PDZRN4: variants seen among roughly 807,000 people sequenced by gnomAD.
PDZRN4 encodes PDZ domain-containing RING finger protein 4.
In PDZRN4, 70 loss-of-function variants were observed where a neutral mutation model predicts 99.0. The observed-to-expected ratio is 0.71, with a 90% confidence interval of 0.58 to 0.86. PDZRN4 has a LOEUF of 0.86. Among genes scored for constraint, PDZRN4 ranks in the 40% least tolerant of loss-of-function variants. The pLI is 0.00. For synonymous variants in PDZRN4, 551 were observed against 501.6 expected (o/e 1.10, Z -1.32); for missense variants, 1,474 against 1,331.2 (o/e 1.11, Z -1.67).
intron 3 of PDZRN4, among the ~76,000 whole-genome samples, chr12:41,273,542 G>C (rs1951330055): frequency 6.6e-6 from 1 of 152,020 alleles, no homozygotes; most frequent in Non-Finnish European, 1.5e-5. Context: ...CCAGAGATGG[G>C]GGAAGTGATA....
chr12:41,296,584 A>G (rs1192457322), intron 3 of PDZRN4, among the ~76,000 whole-genome samples: 1 of 152,144 alleles, frequency 6.6e-6, no homozygotes, highest in Non-Finnish European at 1.5e-5. Context: ...CAATTTTTCA[A>G]GAGTTTTGAT....
intron 3 of PDZRN4, among the ~76,000 whole-genome samples, chr12:41,247,962 C>G (rs1951144026): frequency 9.2e-6 from 1 of 108,818 alleles, no homozygotes; most frequent in African/African-American, 2.9e-5. Context: ...GCTGAAGGCT[C>G]ACAGACGTGA....
Position 41,573,851 on chromosome 12 carries a change from G to A in PDZRN4, c.3072G>A (p.Thr1024=), listed in dbSNP as rs778495848. ...MTHGAKSPDG[T]RVHNAFLSVT... ...ATGGGGCCAAGTCTCCAGATGGCAC[G>A]AGAGTCCATAATGCCTTCTTGTCGG... is the stretch of plus-strand genomic sequence containing the variant. The change falls in exon 10 of 10, where the codon ACG becomes ACA. Residue 1024 remains threonine, a synonymous_variant. Coordinates refer to ENST00000402685, the MANE Select transcript of PDZRN4 (RefSeq NM_001164595.2). The A allele has an allele frequency of 8.8e-6, 14 of 1,593,274 alleles. No homozygotes were observed. Among genetic ancestry groups the A allele is most frequent in the South Asian group, 6.9e-5 (6 of 87,070 alleles).
chr12:41,467,198 G>A (rs1240752993), intron 3 of PDZRN4, among the ~76,000 whole-genome samples: 1 of 152,212 alleles, frequency 6.6e-6, no homozygotes, highest in East Asian at 1.9e-4. Context: ...GACACAGTGA[G>A]AGTTTGGTAG....
At chr12:41,484,170 GA>G (rs772759604) in intron 3 of PDZRN4, among the ~76,000 whole-genome samples, 29 of 152,120 alleles carry the variant, frequency 1.9e-4, no homozygotes, top group Non-Finnish European at 4.1e-4. Flanking sequence ...AAAATTGAGG[GA>G]GGATTTTTCC....
intron 3 of PDZRN4, among the ~76,000 whole-genome samples, chr12:41,236,088 A>G (rs1394568674): frequency 6.6e-6 from 1 of 152,190 alleles, no homozygotes; most frequent in Admixed American, 6.5e-5. Context: ...ATTAAAAGAC[A>G]TTGAAGAGTG....
intron 3 of PDZRN4, among the ~76,000 whole-genome samples, chr12:41,337,601 A>G (rs1396942052): frequency 2.6e-5 from 4 of 152,140 alleles, no homozygotes; most frequent in Non-Finnish European, 5.9e-5. Flanking sequence ...AGCCCAGTGG[A>G]ATTTCATAGA....
intron 3 of PDZRN4, among the ~76,000 whole-genome samples, chr12:41,502,962 C>T (rs1938136890): frequency 6.6e-6 from 1 of 152,038 alleles, no homozygotes; most frequent in African/African-American, 2.4e-5. Flanking sequence ...ATATTCTTCC[C>T]ATATAATTCT....
In PDZRN4 at chr12:41,200,795, T is replaced by C. The variant is rs1950810126; in HGVS notation, c.843+6607T>C. On this transcript the variant is annotated intron_variant, in intron 3 of 9. Coordinates refer to ENST00000402685, the MANE Select transcript of PDZRN4 (RefSeq NM_001164595.2). ...TCATCCTGGGCACCTGGCAACTCCT[T>C]TCTGTCTTTCTTATTCCCCTGCAAC... Among the ~76,000 whole-genome samples, 3 of 152,120 alleles carry C rather than the reference T, an allele frequency of 2.0e-5. No homozygotes were observed. The South Asian group carries it at 6.2e-4, about 32-fold the overall frequency.
chr12:41,375,436 A>C (rs956495117), intron 3 of PDZRN4, among the ~76,000 whole-genome samples: 24 of 152,302 alleles, frequency 1.6e-4, no homozygotes, highest in African/African-American at 4.8e-4. Context: ...ATTATAATTT[A>C]TTAAGAGCTC....
intron 3 of PDZRN4, among the ~76,000 whole-genome samples, chr12:41,222,679 CA>C (rs1252917304): frequency 2.6e-5 from 4 of 152,042 alleles, no homozygotes; most frequent in African/African-American, 9.7e-5. Flanking sequence ...TGCACACCAC[CA>C]TGCCCGGCTA....
intron 3 of PDZRN4, among the ~76,000 whole-genome samples, chr12:41,209,574 C>A (rs1034454737): frequency 3.5e-4 from 52 of 148,728 alleles, no homozygotes; most frequent in African/African-American, 1.2e-3. Context: ...TCAATTCCCA[C>A]CTATGAGTGA....
At chr12:41,221,067 C>T (rs908709259) in intron 3 of PDZRN4, among the ~76,000 whole-genome samples, 2 of 152,146 alleles carry the variant, frequency 1.3e-5, no homozygotes, top group Admixed American at 1.3e-4. Context: ...AGCATCCATG[C>T]AATTGGCCTT....
intron 3 of PDZRN4, among the ~76,000 whole-genome samples, chr12:41,365,878 G>A (rs1951996288): frequency 6.6e-6 from 1 of 152,148 alleles, no homozygotes; most frequent in South Asian, 2.1e-4. Context: ...GACCCTGACA[G>A]ACTGGTTGCC....
intron 3 of PDZRN4, among the ~76,000 whole-genome samples, chr12:41,315,463 C>T (rs1221032926): frequency 6.6e-6 from 1 of 152,058 alleles, no homozygotes; most frequent in East Asian, 1.9e-4. Flanking sequence ...AACACTACAA[C>T]CCCTGTTTTT....
At chr12:41,547,734 T>C (rs1348549370) in intron 5 of PDZRN4, among the ~76,000 whole-genome samples, 1 of 152,212 alleles carries the variant, frequency 6.6e-6, no homozygotes, top group Non-Finnish European at 1.5e-5. Flanking sequence ...TGACATCGAC[T>C]GTTGTTTGCC....
At chr12:41,477,747 T>A (rs1209373116) in intron 3 of PDZRN4, 6 of 708,682 alleles carry the variant, frequency 8.5e-6, no homozygotes, top group South Asian at 1.5e-5. Context: ...AACAGCCAAA[T>A]AAAAATATCC....
chr12:41,295,176 G>T (rs762397840), intron 3 of PDZRN4, among the ~76,000 whole-genome samples: 1 of 152,080 alleles, frequency 6.6e-6, no homozygotes, highest in African/African-American at 2.4e-5. Context: ...AAGAACTTCA[G>T]AAGTTTATCT....
intron 5 of PDZRN4, among the ~76,000 whole-genome samples, chr12:41,539,423 A>C (rs1352513771): frequency 6.6e-6 from 1 of 152,090 alleles, no homozygotes; most frequent in Non-Finnish European, 1.5e-5. Context: ...ATATTAAAAT[A>C]TTACCTTACC....
Sources: allele counts gnomAD v4.1 joint callset (sites outside exome capture counted in the v4.1 genomes callset), GRCh38; gene constraint gnomAD v4.1.1; transcripts MANE v1.5; gene names NCBI Gene and HGNC (gene_info 2026-07-23, HGNC 2026-07-21).